Variants in MBNL2 observed in about 807,000 individuals in gnomAD.
MBNL2 encodes muscleblind-like protein 2.
MBNL2 carries 17 observed loss-of-function variants against 41.9 expected under a neutral mutation model. The ratio of observed to expected loss-of-function variants is 0.41; its 90% CI spans 0.28 to 0.61. The LOEUF (loss-of-function observed/expected upper bound fraction) is 0.61. Among genes scored for constraint, MBNL2 ranks in the 20% least tolerant of loss-of-function variants. The probability of loss-of-function intolerance (pLI) is 0.35; values close to 1 mark genes in which losing one functional copy is unlikely to be tolerated. For synonymous variants in MBNL2, 195 were observed against 182.9 expected, an observed-to-expected ratio of 1.07 and a Z score of -0.53; for missense variants, 336 against 505.6, an observed-to-expected ratio of 0.66 and a Z score of 3.22.
the MBNL2 span, among the ~76,000 whole-genome samples, chr13:97,156,900 C>G: frequency 1.7e-3 from 253 of 152,120 alleles, 1 homozygote; most frequent in African/African-American, 5.4e-3. Context: ...TCCATATGAA[C>G]TTTAAAGTAG....
chr13:97,192,237 T>G, the MBNL2 span, among the ~76,000 whole-genome samples: 1 of 152,336 alleles, frequency 6.6e-6, no homozygotes, highest in South Asian at 2.1e-4. Flanking sequence ...TTGTTCACGC[T>G]TTCCCAAAAA....
chr13:97,239,066 C>T (rs964868912), intron 1 of MBNL2, among the ~76,000 whole-genome samples: 7 of 152,186 alleles, frequency 4.6e-5, no homozygotes, highest in Non-Finnish European at 1.0e-4. Context: ...GATGCTACAT[C>T]CAGCCTCACT....
the MBNL2 span, among the ~76,000 whole-genome samples, chr13:97,144,091 TCCTC>T: frequency 1.3e-5 from 2 of 152,136 alleles, no homozygotes; most frequent in Non-Finnish European, 2.9e-5. Flanking sequence ...TAATCTGCCT[TCCTC>T]GGCCTCCCAA....
chr13:97,166,841 A>AAGAAAGAAAGAT, the MBNL2 span, among the ~76,000 whole-genome samples: 1 of 114,260 alleles, frequency 8.8e-6, no homozygotes, highest in East Asian at 2.7e-4. Flanking sequence ...GATAGATAGA[A>AAGAAAGAAAGAT]AGATAGATAG....
At chr13:97,195,514 A>G in the MBNL2 span, among the ~76,000 whole-genome samples, 4 of 152,316 alleles carry the variant, frequency 2.6e-5, no homozygotes, top group Non-Finnish European at 5.9e-5. Flanking sequence ...AAATGAATAA[A>G]TATGCTTGTT....
At chr13:97,144,580 C>T in the MBNL2 span, among the ~76,000 whole-genome samples, 1 of 151,996 alleles carries the variant, frequency 6.6e-6, no homozygotes, top group Non-Finnish European at 1.5e-5. Context: ...CAGGCATGTG[C>T]CACCACGCCT....
the MBNL2 span, among the ~76,000 whole-genome samples, chr13:97,183,484 A>G: frequency 1.3e-5 from 2 of 151,868 alleles, no homozygotes; most frequent in Non-Finnish European, 2.9e-5. Flanking sequence ...CTCTCCCTCT[A>G]CCCTTCTCTG....
intron 7 of MBNL2, chr13:97,362,876 G>C (rs979897581): frequency 6.6e-6 from 1 of 152,506 alleles, no homozygotes; most frequent in Non-Finnish European, 1.5e-5. Flanking sequence ...CTAGAAGCAG[G>C]ATTGCTTTGG....
intron 2 of MBNL2, among the ~76,000 whole-genome samples, chr13:97,298,245 T>G (rs1332963360): frequency 6.6e-6 from 1 of 151,972 alleles, no homozygotes; most frequent in Non-Finnish European, 1.5e-5. Context: ...TGGAAGGCAA[T>G]TTGTTAAAAA....
chr13:97,311,107 TAA>T (rs1263271617), intron 2 of MBNL2, among the ~76,000 whole-genome samples: 1 of 151,896 alleles, frequency 6.6e-6, no homozygotes, highest in Non-Finnish European at 1.5e-5. Flanking sequence ...ACTGAGGAAA[TAA>T]AAAAGAGGGG....
chr13:97,145,545 G>A, the MBNL2 span, among the ~76,000 whole-genome samples: 1 of 152,236 alleles, frequency 6.6e-6, no homozygotes, highest in South Asian at 2.1e-4. Flanking sequence ...CATATGAAGT[G>A]AGGGCATGGG....
chr13:97,181,397 A>G, the MBNL2 span, among the ~76,000 whole-genome samples: 1 of 152,174 alleles, frequency 6.6e-6, no homozygotes. Context: ...GGTTTTAAAA[A>G]AGGAACGCAA....
chr13:97,307,114 C>T lies in MBNL2; in HGVS notation c.175-27162C>T, dbSNP rs78054954. Among the ~76,000 whole-genome samples, 626 of 152,252 alleles carry T rather than the reference C, an allele frequency of 4.1e-3. 3 individuals are homozygous for T. The highest frequency in any genetic ancestry group is 0.014 in the African/African-American group (595 of 41,548). ...AAGGAGAGAAAGAAAGTCTAAATCT[C>T]GTGGGTTCCATCTCCCAGCATCCAA... On this transcript the variant is annotated intron_variant, in intron 2 of 8. Coordinates refer to ENST00000679496, the MANE Select transcript of MBNL2 (RefSeq NM_001382683.1).
chr13:97,182,755 C>G, the MBNL2 span, among the ~76,000 whole-genome samples: 10 of 152,130 alleles, frequency 6.6e-5, no homozygotes, highest in African/African-American at 2.4e-4. Context: ...TAAGGGCACA[C>G]GTAGATTTTT....
the MBNL2 span, among the ~76,000 whole-genome samples, chr13:97,154,032 T>C: frequency 1.2e-4 from 18 of 152,202 alleles, no homozygotes; most frequent in Admixed American, 3.9e-4. Context: ...AGGATAAATA[T>C]TCTGCCAGAC....
At position 97,343,036 on chromosome 13, in the gene MBNL2, C is replaced by T. The variant is rs773783613; in HGVS notation, c.360C>T (p.Pro120=). ...AACAGCCCACTTTCCCTGTAGGTCC[C>T]GCGATAGGGACAAATACGGCTATTA... ...LHPVPTFPVG[P]AIGTNTAISF... Residue 120 remains proline, a synonymous_variant, in exon 4 of 9, where the codon CCC becomes CCT. Coordinates refer to ENST00000679496, the MANE Select transcript of MBNL2 (RefSeq NM_001382683.1). 22 of 1,612,830 alleles carry T rather than the reference C, an allele frequency of 1.4e-5. No individual in the cohort carries two copies. Among genetic ancestry groups the T allele is most frequent in the Non-Finnish European group, 1.7e-5 (20 of 1,178,972 alleles).
At chr13:97,165,201 G>A in the MBNL2 span, among the ~76,000 whole-genome samples, 2 of 151,770 alleles carry the variant, frequency 1.3e-5, no homozygotes, top group African/African-American at 2.4e-5. Flanking sequence ...AAGACCCTAT[G>A]TCCAAAAGAA....
At chr13:97,347,653 T>C (rs2062011470) in intron 5 of MBNL2, among the ~76,000 whole-genome samples, 1 of 152,254 alleles carries the variant, frequency 6.6e-6, no homozygotes, top group African/African-American at 2.4e-5. Context: ...GGAGCCATCC[T>C]GGCTGGTGCA....
At position 97,391,448 on chromosome 13, in the gene MBNL2, A is replaced by G. The variant is rs2066391654; in HGVS notation, c.1175A>G (p.Ter392=). The part of the protein sequence containing the change: ...SSIELPQTAC[*] ...ATAGAATTGCCACAAACTGCATGCTAAATAAAGATGTAGTTCTTCTGGACA... is the reference window on the plus strand; with the variant it reads ...ATAGAATTGCCACAAACTGCATGCTGAATAAAGATGTAGTTCTTCTGGACA... The change falls in exon 9 of 9, where the codon TAA becomes TGA. Residue 392 remains the stop codon, a stop_retained_variant. Transcript: ENST00000679496. 2 of 1,149,698 alleles carry G rather than the reference A, an allele frequency of 1.7e-6. No homozygotes were observed. The highest frequency in any genetic ancestry group is 2.6e-6 in the Non-Finnish European group (2 of 756,340). The allele number at this position is 1,149,698 out of a possible 1,614,324, so 71.2% of individuals were successfully genotyped here.
Sources: gnomAD v4.1 joint callset for allele counts (sites outside exome capture counted in the v4.1 genomes callset) on GRCh38, gnomAD v4.1.1 for gene constraint, MANE v1.5 for transcripts, NCBI Gene and HGNC (gene_info 2026-07-23, HGNC 2026-07-21) for gene names.